Variants in SYCP2L observed in about 807,000 individuals in gnomAD.
SYCP2L encodes the protein synaptonemal complex protein 2-like.
Under a neutral mutation model 125.8 loss-of-function variants are expected in SYCP2L, and 98 were observed. The ratio of observed to expected loss-of-function variants is 0.78; its 90% CI spans 0.66 to 0.92. The LOEUF is 0.92. Ranked by LOEUF, SYCP2L falls within the 40% of genes least tolerant of loss-of-function variation. SYCP2L has a pLI of 0.00. For missense variants in SYCP2L, 842 were observed against 936.4 expected (o/e 0.90, Z 1.32); for synonymous variants, 317 against 325.4 (o/e 0.97, Z 0.28).
intron 20 of SYCP2L, among the ~76,000 whole-genome samples, chr6:10,933,639 C>T (rs540559509): frequency 8.5e-5 from 13 of 152,126 alleles, no homozygotes; most frequent in African/African-American, 1.9e-4. Context: ...AGGGGTCTTA[C>T]GATCTTAGTA....
intron 16 of SYCP2L, among the ~76,000 whole-genome samples, chr6:10,926,807 T>C (rs1026207415): frequency 2.1e-5 from 3 of 142,310 alleles, no homozygotes; most frequent in African/African-American, 7.8e-5. Flanking sequence ...TGAGATGGAG[T>C]CTTGCTCTGT....
intron 23 of SYCP2L, among the ~76,000 whole-genome samples, chr6:10,950,266 C>A (rs542098821): frequency 6.6e-6 from 1 of 152,240 alleles, no homozygotes; most frequent in East Asian, 1.9e-4. Flanking sequence ...TATATTAAGA[C>A]CCAATTTGAC....
At chr6:10,962,783 G>A (rs1320507469) in intron 28 of SYCP2L, among the ~76,000 whole-genome samples, 3 of 152,186 alleles carry the variant, frequency 2.0e-5, no homozygotes, top group Non-Finnish European at 4.4e-5. Flanking sequence ...TGGCTTAATA[G>A]AAGCCAGCTG....
At chr6:10,915,799 T>C (rs1246617867) in intron 14 of SYCP2L, among the ~76,000 whole-genome samples, 1 of 152,174 alleles carries the variant, frequency 6.6e-6, no homozygotes, top group Non-Finnish European at 1.5e-5. Flanking sequence ...GTAATGTCCC[T>C]TCCTGCTTTT....
chr6:10,938,798 A>G (rs1561694396), intron 21 of SYCP2L, among the ~76,000 whole-genome samples: 1 of 152,228 alleles, frequency 6.6e-6, no homozygotes, highest in Non-Finnish European at 1.5e-5. Flanking sequence ...ATTTCTAGAC[A>G]CTAACAGTAA....
At chr6:10,902,043 C>T (rs1050051990) in intron 6 of SYCP2L, among the ~76,000 whole-genome samples, 1 of 152,240 alleles carries the variant, frequency 6.6e-6, no homozygotes, top group African/African-American at 2.4e-5. Flanking sequence ...GGATGCCCTG[C>T]CCTCCAGATG....
At position 10,912,802 on chromosome 6, in the gene SYCP2L, T is replaced by TAG. The variant is rs1780633450; in HGVS notation, c.1011+41_1011+42dup. On this transcript the variant is annotated intron_variant, in intron 13 of 29. Transcript: ENST00000283141. This position sits in a 1 kb window ranked among gnomAD's most constrained non-coding sequence, Gnocchi z 4.1. ...CGATTCTTGGTTAGAACTAAGCCTT[T>TAG]AGAGATCTTTTTTATGTAAGTATGT... 6.2e-7 allele frequency: 1 copy of TAG among 1,608,650 alleles called. No homozygotes were observed. The highest frequency in any genetic ancestry group is 2.2e-5 in the East Asian group (1 of 44,820).
chr6:10,895,800 C>G lies in SYCP2L; in HGVS notation c.336+1596C>G, dbSNP rs373168952. Among the ~76,000 whole-genome samples the G allele has an allele frequency of 3.3e-5, 5 of 150,576 alleles. No individual in the cohort carries two copies. The East Asian group carries it at 8.2e-4, about 25-fold the overall frequency. On this transcript the variant is annotated intron_variant, in intron 4 of 29. Coordinates refer to ENST00000283141, the MANE Select transcript of SYCP2L (RefSeq NM_001040274.3). ...CCCGCGCCTGGCCAACTCTATACTT[C>G]TAAAGACAACTGTGTTTGCAGACTG...
chr6:10,939,008 T>A (rs905326637), intron 21 of SYCP2L, among the ~76,000 whole-genome samples: 20 of 152,006 alleles, frequency 1.3e-4, no homozygotes, highest in African/African-American at 4.8e-4. Flanking sequence ...TAGTCCCAGC[T>A]ACTCAGGAGG....
chr6:10,934,119 C>T (rs184254486), intron 20 of SYCP2L, among the ~76,000 whole-genome samples: 146 of 152,282 alleles, frequency 9.6e-4, no homozygotes, highest in Non-Finnish European at 1.8e-3. Flanking sequence ...CTGTCTCGTG[C>T]ACTCTGTCTC....
At chr6:10,968,518 A>AG (rs1781714331) in intron 29 of SYCP2L, among the ~76,000 whole-genome samples, 3 of 152,186 alleles carry the variant, frequency 2.0e-5, no homozygotes, top group African/African-American at 7.2e-5. Context: ...GGGATATCAG[A>AG]GGAAAAAAAG....
At chr6:10,949,237 C>T (rs1037576264) in intron 23 of SYCP2L, among the ~76,000 whole-genome samples, 1 of 151,598 alleles carries the variant, frequency 6.6e-6, no homozygotes, top group African/African-American at 2.4e-5. Flanking sequence ...TGTTTTTAAC[C>T]TTTCTGTTTT....
chr6:10,905,142 C>CAAAAAAAAAAAAAAAA (rs34659978), intron 8 of SYCP2L, among the ~76,000 whole-genome samples: 1 of 54,650 alleles, frequency 1.8e-5, no homozygotes, highest in Non-Finnish European at 3.2e-5. Context: ...GACTTGGTCT[C>CAAAAAAAAAAAAAAAA]AAAAAAAAAA....
intron 12 of SYCP2L, among the ~76,000 whole-genome samples, chr6:10,911,681 A>G (rs529323020): frequency 6.6e-6 from 1 of 152,138 alleles, no homozygotes; most frequent in Non-Finnish European, 1.5e-5. Context: ...TGACATCCAA[A>G]TTTCCATTCA....
chr6:10,922,809 T>C (rs1780822798), intron 14 of SYCP2L: 1 of 152,146 alleles, frequency 6.6e-6, no homozygotes, highest in East Asian at 1.9e-4. Flanking sequence ...GATACTTAAT[T>C]TAAAATTTTC....
In SYCP2L at chr6:10,925,364, TAA is replaced by T. The variant is rs573196163; in HGVS notation, c.1218+725_1218+726del. Among the ~76,000 whole-genome samples the T allele has an allele frequency of 3.0e-3, 462 of 152,320 alleles. 1 individual carries two copies. Among genetic ancestry groups the T allele is most frequent in the Non-Finnish European group, 4.9e-3 (333 of 68,022 alleles). On this transcript the variant is annotated intron_variant, in intron 15 of 29. Transcript: ENST00000283141. ...GACTGTATCAGGGAGTCATTAGGAA[TAA>T]AGTTTCTGAGGGACTTTTTCCACAG...
At chr6:10,947,001 A>T (rs906694582) in intron 23 of SYCP2L, among the ~76,000 whole-genome samples, 2 of 151,650 alleles carry the variant, frequency 1.3e-5, no homozygotes, top group African/African-American at 4.8e-5. Context: ...ACCCACTCCT[A>T]CGTATTTTCT....
chr6:10,898,201 AT>A, intron 5 of SYCP2L, 86 bp downstream of exon 5: 1 of 1,037,092 alleles, frequency 9.6e-7, no homozygotes, highest in Non-Finnish European at 1.5e-6. Flanking sequence ...ATGGTTTTCT[AT>A]AATATGTAAG....
chr6:10,903,511 G>C (rs1780425940), intron 8 of SYCP2L, among the ~76,000 whole-genome samples: 1 of 152,140 alleles, frequency 6.6e-6, no homozygotes, highest in South Asian at 2.1e-4. Context: ...TCGCGCCACT[G>C]TGCTCCAGCC....
Sources: gnomAD v4.1 joint callset for allele counts (sites outside exome capture counted in the v4.1 genomes callset) on GRCh38, gnomAD v4.1.1 for gene constraint, Gnocchi (gnomAD v3.1) non-coding constraint, MANE v1.5 for transcripts, NCBI Gene and HGNC (gene_info 2026-07-23, HGNC 2026-07-21) for gene names.